Variants in ZNF644 observed in about 807,000 individuals in gnomAD.
The protein encoded by ZNF644 is zinc finger motif enhancer binding protein 2.
ZNF644 carries 20 observed loss-of-function variants against 108.0 expected under a neutral mutation model. The observed-to-expected ratio is 0.19, with a 90% CI of 0.13 to 0.27. The LOEUF is 0.27. ZNF644 is among the 10% of genes least tolerant of loss of function. ZNF644 has a pLI of 1.00. For missense variants in ZNF644, 1,338 were observed against 1,548.9 expected (o/e 0.86, Z 2.29); for synonymous variants, 542 against 539.1 (o/e 1.01, Z -0.08).
intron 1 of ZNF644, among the ~76,000 whole-genome samples, chr1:91,020,251 C>T (rs1660781552): frequency 1.3e-5 from 2 of 151,904 alleles, no homozygotes; most frequent in Admixed American, 6.6e-5. Flanking sequence ...CTGAAAAGAA[C>T]AAGGAAATGA....
At chr1:90,923,786 G>A (rs1029623752) in intron 4 of ZNF644, among the ~76,000 whole-genome samples, 6 of 152,146 alleles carry the variant, frequency 3.9e-5, no homozygotes, top group African/African-American at 1.4e-4. Context: ...CTGGAAAGCA[G>A]ATTTCCTTTG....
intron 4 of ZNF644, among the ~76,000 whole-genome samples, chr1:90,924,942 T>C (rs995861422): frequency 1.3e-5 from 2 of 152,186 alleles, no homozygotes; most frequent in African/African-American, 2.4e-5. Context: ...TAACCTCCAA[T>C]AGAGAAAGTC....
chr1:90,925,521 C>T (rs1649929945), intron 4 of ZNF644, among the ~76,000 whole-genome samples: 1 of 150,938 alleles, frequency 6.6e-6, no homozygotes, highest in Non-Finnish European at 1.5e-5. Flanking sequence ...TTATTTAAGG[C>T]TTAGAGAATA....
Position 91,002,778 on chromosome 1 carries a change from C to T in ZNF644, c.-18+19212G>A, listed in dbSNP as rs1570558695. Reference sequence around the variant, plus strand: ...CGGGAGAAAATTTTTGCAATTTACTCATCTGACAAAGGGCTAATATCCAGA... The same window carrying T: ...CGGGAGAAAATTTTTGCAATTTACTTATCTGACAAAGGGCTAATATCCAGA... On this transcript the variant is annotated intron_variant, in intron 1 of 5. Coordinates refer to ENST00000337393, the MANE Select transcript of ZNF644 (RefSeq NM_201269.3). Among the ~76,000 whole-genome samples the T allele has an allele frequency of 2.6e-5, 4 of 152,062 alleles. No individual in the cohort carries two copies. The South Asian group carries it at 8.3e-4, about 32-fold the overall frequency.
At position 90,939,275 on chromosome 1, in the gene ZNF644, T is replaced by C. The variant is rs1433805385; in HGVS notation, c.2079A>G (p.Gln693=). The C allele has an allele frequency of 3.1e-6, 5 of 1,613,956 alleles. No individual in the cohort carries two copies. Among genetic ancestry groups the C allele is most frequent in the Non-Finnish European group, 3.4e-6 (4 of 1,179,962 alleles). Residue 693 remains glutamine (Q), a synonymous_variant, in exon 3 of 6, where the codon CAA becomes CAG. Transcript: ENST00000337393. ...RIQKARKSIA[Q]SGVNMCNQNS... is the part of the protein sequence containing the mutation. ...TTTGATTGCACATGTTTACACCTGATTGGGCAATGCTTTTCCGAGCTTTCT... is the reference window on the plus strand; with the variant it reads ...TTTGATTGCACATGTTTACACCTGACTGGGCAATGCTTTTCCGAGCTTTCT...
intron 1 of ZNF644, among the ~76,000 whole-genome samples, chr1:91,012,210 A>G (rs1231193627): frequency 6.6e-6 from 1 of 152,088 alleles, no homozygotes; most frequent in Admixed American, 6.6e-5. Context: ...TTCAAGCATC[A>G]ATTCTCACTA....
chr1:91,015,290 C>T (rs574397522), intron 1 of ZNF644, among the ~76,000 whole-genome samples: 1 of 152,192 alleles, frequency 6.6e-6, no homozygotes, highest in South Asian at 2.1e-4. Flanking sequence ...CATACCAGCA[C>T]AGACATATAC....
In ZNF644 at chr1:90,915,317, T is replaced by C. The variant is rs1000180439; in HGVS notation, c.*1481A>G. 1 of 152,594 alleles carries C rather than the reference T, an allele frequency of 6.6e-6. No individual in the cohort carries two copies. Among genetic ancestry groups the C allele is most frequent in the Admixed American group, 6.5e-5 (1 of 15,282 alleles). The allele number at this position is 152,594 out of a possible 1,614,324, so 9.5% of individuals were successfully genotyped here. ...TTCACATTTTAATTTTCTTTAAACCTTTTTTTATTTAGAGATTTTTCTGGT... is the reference window on the plus strand; with the variant it reads ...TTCACATTTTAATTTTCTTTAAACCCTTTTTTATTTAGAGATTTTTCTGGT... On this transcript the variant is annotated 3_prime_UTR_variant, in exon 6 of 6. Coordinates refer to ENST00000337393, the MANE Select transcript of ZNF644 (RefSeq NM_201269.3).
At chr1:90,982,240 T>C (rs1656622808) in intron 2 of ZNF644, 70 bp downstream of exon 2, 1 of 1,340,036 alleles carries the variant, frequency 7.5e-7, no homozygotes, top group Non-Finnish European at 1.1e-6. Context: ...ACACCACATT[T>C]TTAAGACATA....
At chr1:90,933,302 T>C (rs910344131) in intron 4 of ZNF644, among the ~76,000 whole-genome samples, 5 of 152,170 alleles carry the variant, frequency 3.3e-5, no homozygotes, top group Admixed American at 2.0e-4. Flanking sequence ...AAGCACTTCT[T>C]GGATCTCTGC....
At chr1:90,959,981 T>C (rs1654165721) in intron 2 of ZNF644, among the ~76,000 whole-genome samples, 1 of 152,192 alleles carries the variant, frequency 6.6e-6, no homozygotes, top group Non-Finnish European at 1.5e-5. Context: ...CTCAGAGGGA[T>C]ATAAATAATC....
intron 2 of ZNF644, among the ~76,000 whole-genome samples, chr1:90,962,008 T>C (rs891381306): frequency 1.3e-5 from 2 of 152,122 alleles, no homozygotes. Flanking sequence ...CCTGACATAA[T>C]CATATAAATA....
intron 1 of ZNF644, among the ~76,000 whole-genome samples, chr1:90,997,739 C>A (rs962035257): frequency 1.3e-5 from 2 of 152,126 alleles, no homozygotes; most frequent in Admixed American, 1.3e-4. Flanking sequence ...CGAAGCAGGG[C>A]GAGGCATCGC....
intron 1 of ZNF644, among the ~76,000 whole-genome samples, chr1:91,000,222 C>A (rs1046829885): frequency 1.3e-5 from 2 of 152,226 alleles, no homozygotes; most frequent in Admixed American, 1.3e-4. Flanking sequence ...CACCCCAAAT[C>A]AACAGAATAT....
chr1:90,981,056 A>C (rs1319808778), intron 2 of ZNF644, among the ~76,000 whole-genome samples: 1 of 152,172 alleles, frequency 6.6e-6, no homozygotes, highest in Non-Finnish European at 1.5e-5. Context: ...AAGCAATATC[A>C]AACATAGAAA....
At chr1:90,954,712 G>A (rs948840068) in intron 2 of ZNF644, among the ~76,000 whole-genome samples, 2 of 152,058 alleles carry the variant, frequency 1.3e-5, no homozygotes, top group African/African-American at 4.8e-5. Flanking sequence ...CAGTCTTCAG[G>A]TTCTACTTCT....
In ZNF644 at chr1:90,938,551, C is replaced by T; in HGVS notation, c.2803G>A (p.Asp935Asn). 1 of 1,613,878 alleles carries T rather than the reference C, an allele frequency of 6.2e-7. No individual in the cohort carries two copies. Among genetic ancestry groups the T allele is most frequent in the Non-Finnish European group, 8.5e-7 (1 of 1,179,872 alleles). ...GSNNFLHEIH[D>N]PQHLETADAS... is the part of the protein sequence containing the mutation. ...TCTGCAGTTTCTAAATGCTGAGGAT[C>T]ATGTATCTCATGCAAAAAGTTGTTA... Residue 935 changes from aspartate to asparagine, a missense_variant, in exon 3 of 6, where the codon GAT (aspartate) becomes AAT (asparagine). Coordinates refer to ENST00000337393, the MANE Select transcript of ZNF644 (RefSeq NM_201269.3). The surrounding 1 kb of genome is among the most constrained non-coding windows in gnomAD (Gnocchi z 4.2).
chr1:90,982,620 C>CT lies in ZNF644; in HGVS notation c.-17-251dup, dbSNP rs201283582. Among the ~76,000 whole-genome samples, 3 of 151,882 alleles carry CT rather than the reference C, an allele frequency of 2.0e-5. No individual in the cohort carries two copies. In the South Asian group the frequency reaches 6.2e-4, roughly 32 times the overall value. ...TTCAAATGAGAAATTGAAACTAATT[C>CT]TTTTTTTTAAAAAAAATTCTAAATT... On this transcript the variant is annotated intron_variant, in intron 1 of 5. Transcript: ENST00000337393.
intron 2 of ZNF644, among the ~76,000 whole-genome samples, chr1:90,944,000 G>A (rs1375337691): frequency 6.6e-6 from 1 of 152,180 alleles, no homozygotes; most frequent in East Asian, 1.9e-4. Flanking sequence ...AATCACAGAG[G>A]TGGACAAATA....
Sources: allele counts gnomAD v4.1 joint callset (sites outside exome capture counted in the v4.1 genomes callset), GRCh38; gene constraint gnomAD v4.1.1; non-coding constraint Gnocchi (gnomAD v3.1); transcripts MANE v1.5; gene names NCBI Gene and HGNC (gene_info 2026-07-23, HGNC 2026-07-21).